GNAI1: variants seen among roughly 807,000 people sequenced by gnomAD.
The protein encoded by GNAI1 is G protein subunit alpha i1.
GNAI1 carries 11 observed loss-of-function variants against 38.9 expected under a neutral mutation model. That is an observed-to-expected ratio of 0.28 (90% confidence interval 0.18 to 0.47). The LOEUF is 0.47. Ranked by LOEUF, GNAI1 falls within the 20% of genes least tolerant of loss-of-function variation. GNAI1 has a pLI of 0.99. For synonymous variants in GNAI1, 166 were observed against 145.1 expected, an observed-to-expected ratio of 1.14 and a Z score of -1.04; for missense variants, 317 against 436.9, an observed-to-expected ratio of 0.73 and a Z score of 2.45.
intron 1 of GNAI1, among the ~76,000 whole-genome samples, chr7:80,143,165 T>C (rs1319768093): frequency 8.5e-5 from 13 of 152,312 alleles, no homozygotes; most frequent in African/African-American, 2.4e-4. Flanking sequence ...TTCCATGCTT[T>C]TCCTGTCAAA....
intron 1 of GNAI1, among the ~76,000 whole-genome samples, chr7:80,184,436 G>A (rs1788356537): frequency 6.6e-6 from 1 of 152,152 alleles, no homozygotes; most frequent in Non-Finnish European, 1.5e-5. Context: ...GCTTGGGAGA[G>A]GAGCCTGTGC....
intron 5 of GNAI1, among the ~76,000 whole-genome samples, chr7:80,206,874 G>A (rs565895827): frequency 1.1e-4 from 17 of 152,096 alleles, no homozygotes; most frequent in African/African-American, 3.1e-4. Context: ...TCATAGCAAC[G>A]TACTATAAAA....
intron 1 of GNAI1, among the ~76,000 whole-genome samples, chr7:80,148,584 A>G (rs1452913082): frequency 2.0e-5 from 3 of 152,162 alleles, no homozygotes; most frequent in Non-Finnish European, 4.4e-5. Context: ...ATTTTGTTAG[A>G]TAAGCAACTT....
Position 80,224,257 on chromosome 7 carries a change from T to G in GNAI1, c.*6764T>G, listed in dbSNP as rs1322762549. Among the ~76,000 whole-genome samples, 1 of 152,200 alleles carries G rather than the reference T, an allele frequency of 6.6e-6. No homozygotes were observed. Among genetic ancestry groups the G allele is most frequent in the Non-Finnish European group, 1.5e-5 (1 of 68,036 alleles). On this transcript the variant is annotated 3_prime_UTR_variant, in exon 8 of 8. Coordinates refer to ENST00000649796, the MANE Select transcript of GNAI1 (RefSeq NM_002069.6). Reference sequence around the variant, plus strand: ...CCTTACTAATGCTCTCATTTAGTCATCAGAGCAGTCCTGCAATATTGGTAA... The same window carrying G: ...CCTTACTAATGCTCTCATTTAGTCAGCAGAGCAGTCCTGCAATATTGGTAA...
At position 80,226,177 on chromosome 7, in the gene GNAI1, G is replaced by A. The variant is rs1265179933; in HGVS notation, c.*8684G>A. Among the ~76,000 whole-genome samples the A allele has an allele frequency of 6.6e-6, 1 of 151,994 alleles. No individual in the cohort carries two copies. The highest frequency in any genetic ancestry group is 2.4e-5 in the African/African-American group (1 of 41,378). The stretch of plus-strand genomic sequence containing the variant: ...TGTATCCAATAAAGACATTTAAAAA[G>A]TAAATTTATGTCCATATTATTTTTA... On this transcript the variant is annotated 3_prime_UTR_variant, in exon 8 of 8. Coordinates refer to ENST00000649796, the MANE Select transcript of GNAI1 (RefSeq NM_002069.6).
At position 80,222,049 on chromosome 7, in the gene GNAI1, T is replaced by A. The variant is rs1214729652; in HGVS notation, c.*4556T>A. Among the ~76,000 whole-genome samples, 6 of 152,204 alleles carry A rather than the reference T, an allele frequency of 3.9e-5. No individual in the cohort carries two copies. Among genetic ancestry groups the A allele is most frequent in the Middle Eastern group, 3.2e-3 (1 of 316 alleles). On this transcript the variant is annotated 3_prime_UTR_variant, in exon 8 of 8. Transcript: ENST00000649796. Reference sequence around the variant, plus strand: ...CTGGCCTGTTTCCCAGGCATTTTTTTAAACCAATTACTGTTTGCTTTGGTG... The same window carrying A: ...CTGGCCTGTTTCCCAGGCATTTTTTAAAACCAATTACTGTTTGCTTTGGTG...
chr7:80,136,132 G>T (rs1787412048), intron 1 of GNAI1: 1 of 732,170 alleles, frequency 1.4e-6, no homozygotes, highest in Non-Finnish European at 1.7e-6. Context: ...GCTACGTGGA[G>T]GTCTTTTCCA....
chr7:80,180,450 C>CGG (rs1788273484), intron 1 of GNAI1, among the ~76,000 whole-genome samples: 2 of 152,096 alleles, frequency 1.3e-5, no homozygotes, highest in African/African-American at 4.8e-5. Flanking sequence ...CATACCTCTT[C>CGG]TGCAAAGGGC....
intron 1 of GNAI1, among the ~76,000 whole-genome samples, chr7:80,150,131 C>T (rs1787698229): frequency 6.6e-6 from 1 of 152,120 alleles, no homozygotes; most frequent in African/African-American, 2.4e-5. Flanking sequence ...AAAGCTTTAT[C>T]AATACTTAGT....
At chr7:80,164,039 CTTTT>C (rs35826632) in intron 1 of GNAI1, among the ~76,000 whole-genome samples, 3 of 62,936 alleles carry the variant, frequency 4.8e-5, no homozygotes, top group East Asian at 4.7e-4. Flanking sequence ...CTGGTGCTTT[CTTTT>C]TTTTTTTTTT....
chr7:80,168,856 G>A (rs1788056984), intron 1 of GNAI1, among the ~76,000 whole-genome samples: 1 of 151,976 alleles, frequency 6.6e-6, no homozygotes, highest in Admixed American at 6.6e-5. Context: ...ACTATCCTAC[G>A]TTTCTAAAAA....
Position 80,217,363 on chromosome 7 carries a change from A to G in GNAI1, c.935A>G (p.Lys312Arg). The G allele has an allele frequency of 6.2e-7, 1 of 1,607,400 alleles. No homozygotes were observed. Among genetic ancestry groups the G allele is most frequent in the Non-Finnish European group, 8.5e-7 (1 of 1,175,968 alleles). ...CAATGTCAGTTTGAAGACCTCAATA[A>G]AAGAAAGGACACAAAGGAAATATAC... ...YIQCQFEDLN[K>R]RKDTKEIYTH... The change falls in exon 8 of 8, where the codon AAA (lysine) becomes AGA (arginine). Residue 312 changes from lysine (K) to arginine (R), a missense_variant. This residue lies in a region of GNAI1 where 158 missense variants were observed against 234.7 expected (regional missense o/e 0.67). Transcript: ENST00000649796.
intron 4 of GNAI1, among the ~76,000 whole-genome samples, chr7:80,200,749 T>C (rs1408892285): frequency 6.6e-6 from 1 of 151,400 alleles, no homozygotes; most frequent in African/African-American, 2.4e-5. Flanking sequence ...TTTCATAATC[T>C]ATATTTTTAA....
intron 1 of GNAI1, among the ~76,000 whole-genome samples, chr7:80,153,667 T>G (rs1787766781): frequency 6.6e-6 from 1 of 152,180 alleles, no homozygotes. Flanking sequence ...AAAATACTTT[T>G]TTCCTGAGGT....
chr7:80,157,693 G>A (rs564597115), intron 1 of GNAI1, among the ~76,000 whole-genome samples: 4 of 152,174 alleles, frequency 2.6e-5, no homozygotes, highest in African/African-American at 9.6e-5. Context: ...GATGACATAT[G>A]TGAAGCACCT....
intron 1 of GNAI1, among the ~76,000 whole-genome samples, chr7:80,163,995 G>A (rs1281954723): frequency 7.8e-5 from 11 of 140,652 alleles, no homozygotes; most frequent in South Asian, 2.3e-4. Flanking sequence ...TGGGGGGACC[G>A]AGTCTCTCTC....
intron 1 of GNAI1, among the ~76,000 whole-genome samples, chr7:80,146,543 C>T (rs998733780): frequency 1.6e-4 from 25 of 151,816 alleles, no homozygotes; most frequent in African/African-American, 5.8e-4. Flanking sequence ...TTTTTTAGAG[C>T]TCGTTCTTTT....
intron 3 of GNAI1, among the ~76,000 whole-genome samples, chr7:80,191,626 A>C (rs1032623733): frequency 6.6e-6 from 1 of 152,150 alleles, no homozygotes; most frequent in East Asian, 1.9e-4. Context: ...TCCTGGCCTC[A>C]AGTAATCCGC....
chr7:80,148,280 G>C (rs1011050938), intron 1 of GNAI1, among the ~76,000 whole-genome samples: 1 of 152,094 alleles, frequency 6.6e-6, no homozygotes, highest in Non-Finnish European at 1.5e-5. Context: ...TTCTCTGGAA[G>C]GTTGTCAACT....
Sources: gnomAD v4.1 joint callset for allele counts (sites outside exome capture counted in the v4.1 genomes callset) on GRCh38, gnomAD v4.1.1 for gene constraint, gnomAD v4.1.1 regional missense constraint, MANE v1.5 for transcripts, NCBI Gene and HGNC (gene_info 2026-07-23, HGNC 2026-07-21) for gene names.